The following ARPP21 variants were observed in gnomAD, a reference collection of about 807,000 sequenced individuals.
ARPP21 encodes cAMP regulated phosphoprotein 21.
ARPP21 carries 69 observed loss-of-function variants against 113.2 expected under a neutral mutation model. That is an observed-to-expected ratio of 0.61 (90% CI 0.50 to 0.74). ARPP21 has a LOEUF of 0.74. Among genes scored for constraint, ARPP21 ranks in the 30% least tolerant of loss-of-function variants. The probability of loss-of-function intolerance (pLI) is 0.00; values close to 1 mark genes in which losing one functional copy is unlikely to be tolerated. For missense variants in ARPP21, 1,070 were observed against 1,037.4 expected (o/e 1.03, Z -0.43); for synonymous variants, 368 against 375.5 (o/e 0.98, Z 0.23).
At chr3:35,790,374 C>T (rs2096724101) in intron 19 of ARPP21, among the ~76,000 whole-genome samples, 1 of 152,110 alleles carries the variant, frequency 6.6e-6, no homozygotes, top group Non-Finnish European at 1.5e-5. Flanking sequence ...ATAATTCATG[C>T]TACAAAGAGC....
chr3:35,660,923 A>T (rs1455490378), intron 1 of ARPP21, among the ~76,000 whole-genome samples: 1 of 152,188 alleles, frequency 6.6e-6, no homozygotes, highest in Non-Finnish European at 1.5e-5. Context: ...TACTTACTGA[A>T]AAACAAAGAA....
chr3:35,658,517 A>G (rs1013915834), intron 1 of ARPP21, among the ~76,000 whole-genome samples: 3 of 152,080 alleles, frequency 2.0e-5, no homozygotes, highest in African/African-American at 4.8e-5. Context: ...TCCAGGTACC[A>G]ATTTTTAGAT....
At chr3:35,768,773 A>G (rs144353722) in intron 19 of ARPP21, among the ~76,000 whole-genome samples, 1 of 152,328 alleles carries the variant, frequency 6.6e-6, no homozygotes, top group East Asian at 1.9e-4. Flanking sequence ...ATACAGTGTT[A>G]TTACTATAAT....
At chr3:35,647,978 G>C (rs555362376) in intron 1 of ARPP21, among the ~76,000 whole-genome samples, 1 of 152,108 alleles carries the variant, frequency 6.6e-6, no homozygotes, top group Non-Finnish European at 1.5e-5. Context: ...AGTTCAGAAA[G>C]AGATTTACTT....
Position 35,738,316 on chromosome 3 carries a change from A to G in ARPP21, c.1747A>G (p.Met583Val). 2 of 1,523,042 alleles carry G rather than the reference A, an allele frequency of 1.3e-6. No individual in the cohort carries two copies. The highest frequency in any genetic ancestry group is 1.4e-5 in the African/African-American group (1 of 72,782). 94.3% of individuals were successfully genotyped at this position (1,523,042 alleles called of 1,614,324 possible). A position where few individuals can be genotyped will look rare whatever the true frequency, so the allele number is the denominator to read the frequency against. The change falls in exon 17 of 21, where the codon ATG becomes GTG. Residue 583 changes from methionine to valine, a missense_variant and splice_region_variant. Met to Val is a conservative substitution (Grantham distance 21, BLOSUM62 1). Transcript: ENST00000684406. ...LPVSPTQHFP[M>V]RDDVATQFGQ... is the part of the protein sequence containing the mutation. ...TGTGTCTCCAACGCAGCACTTTCCC[A>G]TGGTACTGTATTATGTGTATATGAC...
rs199709009 is a variant in ARPP21 at position 35,748,433 on chromosome 3, GAGAA to G, written c.2137+4482_2137+4485del. Among the ~76,000 whole-genome samples, 537 of 139,434 alleles carry G rather than the reference GAGAA, an allele frequency of 3.9e-3. 13 individuals carry two copies. The East Asian group carries it at 0.063, about 16-fold the overall frequency. The allele number at this position is 139,434 out of a possible 152,430, so 91.5% of individuals were successfully genotyped here. On this transcript the variant is annotated intron_variant, in intron 19 of 20. Transcript: ENST00000684406. ...GAGAGAGAAAGAAAAGAGAAAGAAA[GAGAA>G]AGAAAGAAAGAAAAGAAAGAAAAAG...
rs35570350 is a variant in ARPP21, at chr3:35,648,746, A to AG, written c.-213+8350dup. Among the ~76,000 whole-genome samples the AG allele has an allele frequency of 3.2e-3, 481 of 152,334 alleles. 5 individuals carry two copies. Among genetic ancestry groups the AG allele is most frequent in the African/African-American group, 0.011 (461 of 41,580 alleles). On this transcript the variant is annotated intron_variant, in intron 1 of 20. Coordinates refer to ENST00000684406, the MANE Select transcript of ARPP21 (RefSeq NM_001385562.1). ...CACAGATAGTATTCAACACAGGAGA[A>AG]GGTGAGTTATACAAAGCAGTAAATC...
intron 19 of ARPP21, among the ~76,000 whole-genome samples, chr3:35,746,318 T>C (rs1038024482): frequency 6.6e-6 from 1 of 152,206 alleles, no homozygotes; most frequent in African/African-American, 2.4e-5. Context: ...ACAGAGGCTC[T>C]GGGTCCTACA....
intron 2 of ARPP21, among the ~76,000 whole-genome samples, chr3:35,680,518 C>A (rs1302524533): frequency 6.6e-6 from 1 of 151,850 alleles, no homozygotes; most frequent in African/African-American, 2.4e-5. Flanking sequence ...TTGTATTTTT[C>A]TCATACTTCC....
intron 18 of ARPP21, among the ~76,000 whole-genome samples, chr3:35,742,236 G>A (rs1302114322): frequency 2.0e-5 from 3 of 152,186 alleles, no homozygotes; most frequent in East Asian, 3.9e-4. Flanking sequence ...GGAACAAAAC[G>A]CTATTTCCTA....
chr3:35,718,106 C>T (rs973312708), intron 13 of ARPP21, among the ~76,000 whole-genome samples: 2 of 152,022 alleles, frequency 1.3e-5, no homozygotes, highest in South Asian at 2.1e-4. Context: ...ACAAGAACAA[C>T]AACAAAACTC....
intron 1 of ARPP21, among the ~76,000 whole-genome samples, chr3:35,655,217 A>C (rs1383365333): frequency 6.6e-6 from 1 of 152,012 alleles, no homozygotes; most frequent in Non-Finnish European, 1.5e-5. Flanking sequence ...ATAAATGTGC[A>C]TACTCTTTGA....
chr3:35,792,246 T>C, intron 19 of ARPP21, 136 bp from the exon 20 acceptor site: 1 of 716,376 alleles, frequency 1.4e-6, no homozygotes, highest in Admixed American at 2.4e-5. Flanking sequence ...TCTTAGGGAA[T>C]AAACATCTGA....
At chr3:35,707,337 C>A in intron 10 of ARPP21, 2 of 621,264 alleles carry the variant, frequency 3.2e-6, no homozygotes, top group South Asian at 3.1e-5. Flanking sequence ...GCGCAGTTTC[C>A]GCTGCATGTC....
Position 35,739,337 on chromosome 3 carries a change from G to C in ARPP21, c.1770G>C (p.Gln590His). The change falls in exon 18 of 21, where the codon CAG (glutamine) becomes CAC (histidine). Residue 590 changes from glutamine (Q) to histidine (H), a missense_variant. Coordinates refer to ENST00000684406, the MANE Select transcript of ARPP21 (RefSeq NM_001385562.1). ...TGCAGAGAGATGATGTGGCAACACA[G>C]TTTGGCCAGATGACCCTGAGCCGGC... ...HFPMRDDVATQFGQMTLSRQS... is the reference protein window; with the variant it reads ...HFPMRDDVATHFGQMTLSRQS... 6.2e-7 allele frequency: 1 copy of C among 1,614,110 alleles called. No homozygotes were observed. The highest frequency in any genetic ancestry group is 8.5e-7 in the Non-Finnish European group (1 of 1,179,996).
intron 10 of ARPP21, among the ~76,000 whole-genome samples, chr3:35,707,890 C>T (rs963732800): frequency 5.9e-5 from 9 of 151,636 alleles, no homozygotes; most frequent in African/African-American, 2.2e-4. Context: ...ATGATGATAA[C>T]AATAGAAAGT....
chr3:35,696,873 G>A (rs963991214), intron 9 of ARPP21, among the ~76,000 whole-genome samples: 3 of 151,248 alleles, frequency 2.0e-5, no homozygotes, highest in Non-Finnish European at 3.0e-5. Context: ...CTCACTTTCC[G>A]ATCTTCAGTT....
At chr3:35,763,226 T>C (rs73067167) in intron 19 of ARPP21, among the ~76,000 whole-genome samples, 47 of 152,194 alleles carry the variant, frequency 3.1e-4, no homozygotes, top group Non-Finnish European at 6.0e-4. Flanking sequence ...TAAAACACCA[T>C]TGGTTTTGAT....
At chr3:35,683,965 A>G in intron 5 of ARPP21, 150 bp downstream of exon 5, 2 of 1,297,596 alleles carry the variant, frequency 1.5e-6, no homozygotes, top group Non-Finnish European at 1.1e-6. Flanking sequence ...TGCTTATGCA[A>G]CATTCTAAAA....
Sources: allele counts gnomAD v4.1 joint callset (sites outside exome capture counted in the v4.1 genomes callset), GRCh38; gene constraint gnomAD v4.1.1; transcripts MANE v1.5; gene names NCBI Gene and HGNC (gene_info 2026-07-23, HGNC 2026-07-21).